The following PSAP variants were observed in gnomAD, a reference collection of about 807,000 sequenced individuals.
The protein encoded by PSAP is precursor of saposins.
Under a neutral mutation model 66.0 loss-of-function variants are expected in PSAP, and 25 were observed. The observed-to-expected ratio is 0.38, with a 90% CI of 0.28 to 0.53. The LOEUF is 0.53. Among genes scored for constraint, PSAP ranks in the 20% least tolerant of loss-of-function variants. The pLI is 0.83. For synonymous variants in PSAP, 273 were observed against 258.9 expected, an observed-to-expected ratio of 1.05 and a Z score of -0.52; for missense variants, 649 against 668.8, an observed-to-expected ratio of 0.97 and a Z score of 0.33.
chr10:71,833,413 G>A (rs1485740773), intron 2 of PSAP, among the ~76,000 whole-genome samples: 3 of 152,174 alleles, frequency 2.0e-5, no homozygotes, highest in Non-Finnish European at 2.9e-5. Context: ...AGCCATGATT[G>A]TGCCACTGCA....
At chr10:71,833,983 A>G (rs1422636363) in intron 2 of PSAP, among the ~76,000 whole-genome samples, 1 of 152,246 alleles carries the variant, frequency 6.6e-6, no homozygotes, top group Non-Finnish European at 1.5e-5. Context: ...GACCAAGGAT[A>G]GAGCCGCGCC....
chr10:71,825,744 G>A (rs1667459587), intron 7 of PSAP, 93 bp downstream of exon 7: 3 of 1,250,948 alleles, frequency 2.4e-6, no homozygotes, highest in African/African-American at 3.0e-5. Context: ...GGTAAAAAAG[G>A]GAAACTAAAC....
At chr10:71,837,345 G>A (rs370133011) in intron 1 of PSAP, among the ~76,000 whole-genome samples, 5 of 152,200 alleles carry the variant, frequency 3.3e-5, no homozygotes, top group African/African-American at 7.2e-5. Context: ...GCTCCCAGCC[G>A]CCAAGAGGTG....
At chr10:71,820,784 A>C (rs1247277349) in intron 8 of PSAP, among the ~76,000 whole-genome samples, 3 of 152,190 alleles carry the variant, frequency 2.0e-5, no homozygotes, top group Non-Finnish European at 4.4e-5. Context: ...TGTGTCTCCC[A>C]TGTCTCATTA....
chr10:71,832,291 GC>G (rs1020145368), intron 2 of PSAP, among the ~76,000 whole-genome samples: 2 of 151,916 alleles, frequency 1.3e-5, no homozygotes, highest in Non-Finnish European at 2.9e-5. Flanking sequence ...AGAAACAAAC[GC>G]CCCACCCACC....
At chr10:71,817,599 AC>A in intron 13 of PSAP, 123 bp from the exon 14 acceptor site, 2 of 930,112 alleles carry the variant, frequency 2.2e-6, no homozygotes, top group Non-Finnish European at 1.8e-6. Flanking sequence ...GCTGGATGGC[AC>A]CAGATGCTGA....
At chr10:71,834,297 G>A in intron 2 of PSAP, 75 bp downstream of exon 2, 1 of 1,603,696 alleles carries the variant, frequency 6.2e-7, no homozygotes, top group Non-Finnish European at 8.5e-7. Flanking sequence ...CTGTCAATAT[G>A]GCAGTGAGTT....
chr10:71,818,571 C>T lies in PSAP; in HGVS notation c.1539+46G>A, dbSNP rs759106019. On this transcript the variant is annotated intron_variant, in intron 13 of 13. Coordinates refer to ENST00000394936, the MANE Select transcript of PSAP (RefSeq NM_002778.4). The stretch of plus-strand genomic sequence containing the variant: ...TAAAGCAGGATTCTCACACAGGCTA[C>T]CCCAGGGCAAGACAGGCTGGTGACA... 3.3e-6 allele frequency: 5 copies of T among 1,531,608 alleles called. No individual in the cohort carries two copies. The South Asian group carries it at 5.6e-5, about 17-fold the overall frequency. 94.9% of individuals were successfully genotyped at this position (1,531,608 alleles called of 1,614,324 possible).
intron 1 of PSAP, among the ~76,000 whole-genome samples, chr10:71,838,034 G>T (rs1842660265): frequency 6.6e-6 from 1 of 152,200 alleles, no homozygotes; most frequent in African/African-American, 2.4e-5. Context: ...AGGGATTTCT[G>T]GGAGGGACAG....
At chr10:71,825,813 A>C in intron 7 of PSAP, 24 bp downstream of exon 7, 1 of 1,601,038 alleles carries the variant, frequency 6.2e-7, no homozygotes, top group Non-Finnish European at 8.6e-7. Flanking sequence ...AAAAATGCTA[A>C]CAAGGGGCCT....
At chr10:71,838,601 C>A (rs533195437) in intron 1 of PSAP, among the ~76,000 whole-genome samples, 1 of 152,092 alleles carries the variant, frequency 6.6e-6, no homozygotes, top group Admixed American at 6.5e-5. Context: ...AAAAAGAGAA[C>A]GGATTAGCTG....
chr10:71,827,887 T>C, intron 6 of PSAP, 127 bp downstream of exon 6: 1 of 1,292,338 alleles, frequency 7.7e-7, no homozygotes, highest in Admixed American at 2.0e-5. Flanking sequence ...GATTCAAGTC[T>C]GCACTACCTA....
chr10:71,849,636 C>CA (rs572805063), intron 1 of PSAP, among the ~76,000 whole-genome samples: 132 of 144,906 alleles, frequency 9.1e-4, no homozygotes, highest in Middle Eastern at 3.4e-3. Flanking sequence ...AACAAACAAA[C>CA]AAAAAAAAAA....
chr10:71,851,083 G>A (rs1589463752), intron 1 of PSAP, 99 bp downstream of exon 1: 2 of 1,400,622 alleles, frequency 1.4e-6, no homozygotes, highest in East Asian at 2.5e-5. Flanking sequence ...TGCCAACTAG[G>A]GCAGGGGGAG....
rs187916162 is a variant in PSAP at position 71,831,490 on chromosome 10, T to G, written c.250-239A>C. 1.9e-4 allele frequency among the ~76,000 whole-genome samples: 29 copies of G among 152,318 alleles called. 1 individual carries two copies. Among genetic ancestry groups the G allele is most frequent in the Admixed American group, 1.2e-3 (18 of 15,296 alleles). ...GCAGTCTCGCAGGCACAGGGAATTC[T>G]AAGCAGAGATGGCCAAAATGGACCT... On this transcript the variant is annotated intron_variant, in intron 3 of 13. Transcript: ENST00000394936.
rs747263695 is a variant in PSAP, at chr10:71,826,958, C to T, written c.720+1056G>A. On this transcript the variant is annotated intron_variant, in intron 6 of 13. Transcript: ENST00000394936. Reference sequence around the variant, plus strand: ...CTTGGAATAGGGTCCCAGAATGAAACGATCTAAGTAAGGGGCCAAGAAAAT... The same window carrying T: ...CTTGGAATAGGGTCCCAGAATGAAATGATCTAAGTAAGGGGCCAAGAAAAT... Among the ~76,000 whole-genome samples the T allele has an allele frequency of 5.3e-5, 8 of 152,208 alleles. No individual in the cohort carries two copies. In the East Asian group the frequency reaches 7.7e-4, roughly 15 times the overall value.
intron 1 of PSAP, among the ~76,000 whole-genome samples, chr10:71,843,709 G>A (rs893988303): frequency 2.0e-5 from 3 of 152,214 alleles, no homozygotes; most frequent in Non-Finnish European, 2.9e-5. Context: ...ACTCAGCTGG[G>A]AAGTGGGAAG....
intron 11 of PSAP, 67 bp from the exon 12 acceptor site, chr10:71,819,178 C>A: frequency 7.2e-7 from 1 of 1,382,914 alleles, no homozygotes; most frequent in South Asian, 1.2e-5. Flanking sequence ...GCACAAAAGG[C>A]CAGGCAGGCC....
rs1842458537 is a variant in PSAP, at chr10:71,829,043, A to C, written c.410T>G (p.Leu137Arg). 6.2e-7 allele frequency: 1 copy of C among 1,614,128 alleles called. No individual in the cohort carries two copies. The highest frequency in any genetic ancestry group is 1.3e-5 in the African/African-American group (1 of 75,022). ...RPGEVCSALN[L>R]CESLQKHLAE... ...TAGGTGCTTCTGGAGAGACTCGCAG[A>C]GGTTGAGAGCAGAGCACACCTCCCC... Residue 137 changes from leucine (L) to arginine (R), a missense_variant, in exon 5 of 14, where the codon CTC becomes CGC. By Grantham distance (102) the Leu-to-Arg change is moderately radical (BLOSUM62 -2). Transcript: ENST00000394936.
Sources: gnomAD v4.1 joint callset for allele counts (sites outside exome capture counted in the v4.1 genomes callset) on GRCh38, gnomAD v4.1.1 for gene constraint, MANE v1.5 for transcripts, NCBI Gene and HGNC (gene_info 2026-07-23, HGNC 2026-07-21) for gene names.